The following CLHC1 variants were observed in gnomAD, a reference collection of about 807,000 sequenced individuals.
CLHC1 encodes clathrin heavy chain linker domain-containing protein 1.
CLHC1 carries 72 observed loss-of-function variants against 69.5 expected under a neutral mutation model. The observed-to-expected ratio is 1.04, with a 90% CI of 0.86 to 1.26. The LOEUF is 1.26. Among genes scored for constraint, CLHC1 ranks in the 50% most tolerant of loss-of-function variants. The pLI, the probability that CLHC1 is intolerant of heterozygous loss-of-function variation, is 0.00. For missense variants in CLHC1, 790 were observed against 679.3 expected (o/e 1.16, Z -1.81); for synonymous variants, 223 against 224.3 (o/e 0.99, Z 0.05).
rs973290703 is a variant in CLHC1 at position 55,174,677 on chromosome 2, A to G, written c.*1113T>C. ...TCCCCGTTCATCTTCTTTCCACTAT[A>G]ACATAAAAATACATATTCAATTTAA... On this transcript the variant is annotated 3_prime_UTR_variant, in exon 13 of 13. Transcript: ENST00000401408. The G allele has an allele frequency of 2.0e-5, 3 of 152,218 alleles. No homozygotes were observed. Among genetic ancestry groups the G allele is most frequent in the Non-Finnish European group, 4.4e-5 (3 of 68,042 alleles). 9.4% of individuals were successfully genotyped at this position (152,218 alleles called of 1,614,324 possible). A position where few individuals can be genotyped will look rare whatever the true frequency, so the allele number is the denominator to read the frequency against.
At chr2:55,207,571 T>C (rs943848754) in intron 8 of CLHC1, among the ~76,000 whole-genome samples, 1 of 152,198 alleles carries the variant, frequency 6.6e-6, no homozygotes, top group Non-Finnish European at 1.5e-5. Context: ...GAAAACTGTT[T>C]AACATATAAA....
chr2:55,181,488 T>A, intron 10 of CLHC1, 82 bp downstream of exon 10: 1 of 1,081,320 alleles, frequency 9.2e-7, no homozygotes, highest in Non-Finnish European at 1.4e-6. Flanking sequence ...AGTAACATAT[T>A]GATAAAGCTA....
chr2:55,186,834 T>G lies in CLHC1; in HGVS notation c.1007-5090A>C, dbSNP rs528944336. 5.3e-5 allele frequency among the ~76,000 whole-genome samples: 8 copies of G among 152,204 alleles called. No individual in the cohort carries two copies. The South Asian group carries it at 1.7e-3, about 32-fold the overall frequency. ...TTAAAGGTAGAAATGGAAGCCATAATAAAGATGAACAGATTTTTAAAACAA... is the reference window on the plus strand; with the variant it reads ...TTAAAGGTAGAAATGGAAGCCATAAGAAAGATGAACAGATTTTTAAAACAA... On this transcript the variant is annotated intron_variant, in intron 9 of 12. Coordinates refer to ENST00000401408, the MANE Select transcript of CLHC1 (RefSeq NM_152385.4).
At chr2:55,178,600 C>A (rs1200897346) in intron 11 of CLHC1, among the ~76,000 whole-genome samples, 1 of 152,086 alleles carries the variant, frequency 6.6e-6, no homozygotes, top group Non-Finnish European at 1.5e-5. Flanking sequence ...CGCAGTCTCC[C>A]GCCTCAGCCT....
rs569625464 is a variant in CLHC1 at position 55,191,541 on chromosome 2, T to C, written c.1007-9797A>G. On this transcript the variant is annotated intron_variant, in intron 9 of 12. Coordinates refer to ENST00000401408, the MANE Select transcript of CLHC1 (RefSeq NM_152385.4). The stretch of plus-strand genomic sequence containing the variant: ...GAGCCACTGCGCCCAGCCAGAAAAA[T>C]AGATGTACACAAAGAAATGAAGAAT... Among the ~76,000 whole-genome samples, 9 of 152,038 alleles carry C rather than the reference T, an allele frequency of 5.9e-5. No homozygotes were observed. In the East Asian group the frequency reaches 1.7e-3, roughly 29 times the overall value.
intron 8 of CLHC1, 64 bp from the exon 9 acceptor site, chr2:55,206,440 G>T: frequency 1.1e-6 from 1 of 908,918 alleles, no homozygotes; most frequent in Non-Finnish European, 1.8e-6. Context: ...AAACTGATTA[G>T]AAATGTTTAA....
rs567457362 is a variant in CLHC1 at position 55,178,403 on chromosome 2, A to G, written c.1385-622T>C. ...CCTATATTTGGCCACAAAAAGAACAATTCCATATGGGTTAATCTCTATTGG... is the reference window on the plus strand; with the variant it reads ...CCTATATTTGGCCACAAAAAGAACAGTTCCATATGGGTTAATCTCTATTGG... On this transcript the variant is annotated intron_variant, in intron 11 of 12. Transcript: ENST00000401408. Among the ~76,000 whole-genome samples the G allele has an allele frequency of 2.2e-4, 33 of 152,368 alleles. No individual in the cohort carries two copies. In the South Asian group the frequency reaches 6.8e-3, roughly 32 times the overall value.
chr2:55,227,786 C>G (rs1296993973), intron 2 of CLHC1, among the ~76,000 whole-genome samples: 1 of 151,942 alleles, frequency 6.6e-6, no homozygotes, highest in Non-Finnish European at 1.5e-5. Context: ...ACCGTATTAC[C>G]CTTAGGATAA....
At chr2:55,227,606 A>G (rs1173337121) in intron 2 of CLHC1, among the ~76,000 whole-genome samples, 1 of 148,018 alleles carries the variant, frequency 6.8e-6, no homozygotes, top group East Asian at 2.1e-4. Context: ...TGAACCCAGG[A>G]GGTGGAGGTT....
Position 55,180,110 on chromosome 2 carries a change from C to T in CLHC1, c.1384+400G>A, listed in dbSNP as rs559130806. Among the ~76,000 whole-genome samples, 285 of 151,624 alleles carry T rather than the reference C, an allele frequency of 1.9e-3. 1 individual carries two copies. The highest frequency in any genetic ancestry group is 2.4e-3 in the Non-Finnish European group (161 of 67,920). ...CAGAGCTTGCAGTGAGCCAAGATCG[C>T]AGCACTGCACTCCAGCCTGGCAACA... On this transcript the variant is annotated intron_variant, in intron 11 of 12. Coordinates refer to ENST00000401408, the MANE Select transcript of CLHC1 (RefSeq NM_152385.4).
chr2:55,214,002 C>T (rs1673249112), intron 4 of CLHC1, among the ~76,000 whole-genome samples: 1 of 151,992 alleles, frequency 6.6e-6, no homozygotes, highest in South Asian at 2.1e-4. Context: ...CTAGGCATCA[C>T]CTGGAGGATG....
intron 8 of CLHC1, among the ~76,000 whole-genome samples, chr2:55,207,826 T>C (rs977617963): frequency 4.6e-5 from 7 of 152,164 alleles, no homozygotes; most frequent in African/African-American, 1.7e-4. Flanking sequence ...TACGGCAAAA[T>C]GTTAATTTCT....
chr2:55,177,043 G>A (rs1009401018), intron 12 of CLHC1, among the ~76,000 whole-genome samples: 1 of 152,070 alleles, frequency 6.6e-6, no homozygotes, highest in African/African-American at 2.4e-5. Context: ...GCTAATTTTG[G>A]TATCTTTTTC....
At chr2:55,212,585 C>T (rs1220887495) in intron 5 of CLHC1, 88 bp downstream of exon 5, 3 of 1,019,704 alleles carry the variant, frequency 2.9e-6, no homozygotes, top group East Asian at 4.8e-5. Context: ...GATGCACATA[C>T]ATCAGCACAT....
intron 1 of CLHC1, among the ~76,000 whole-genome samples, chr2:55,229,569 G>A (rs993906614): frequency 1.3e-5 from 2 of 152,204 alleles, no homozygotes; most frequent in African/African-American, 4.8e-5. Context: ...ACTACTATCA[G>A]CCTAGGGGGT....
At chr2:55,197,259 G>C (rs757549182) in intron 9 of CLHC1, among the ~76,000 whole-genome samples, 142 of 152,228 alleles carry the variant, frequency 9.3e-4, no homozygotes, top group South Asian at 2.5e-3. Flanking sequence ...AGCCACCCAG[G>C]CCTAGGGAAC....
At chr2:55,204,146 T>G (rs918782948) in intron 9 of CLHC1, among the ~76,000 whole-genome samples, 1 of 152,098 alleles carries the variant, frequency 6.6e-6, no homozygotes, top group East Asian at 1.9e-4. Flanking sequence ...TAGCTGGGCA[T>G]GGTGGTGCAT....
At chr2:55,213,397 G>A (rs997998040) in intron 4 of CLHC1, among the ~76,000 whole-genome samples, 9 of 152,112 alleles carry the variant, frequency 5.9e-5, no homozygotes, top group Non-Finnish European at 1.0e-4. Flanking sequence ...CTCTTATTAG[G>A]ACATTTATGA....
chr2:55,202,725 C>T (rs1481804369), intron 9 of CLHC1, among the ~76,000 whole-genome samples: 8 of 151,630 alleles, frequency 5.3e-5, no homozygotes, highest in South Asian at 2.1e-4. Context: ...GGCAAAACTC[C>T]GTCTCTACTG....
Sources: gnomAD v4.1 joint callset for allele counts (sites outside exome capture counted in the v4.1 genomes callset) on GRCh38, gnomAD v4.1.1 for gene constraint, MANE v1.5 for transcripts, NCBI Gene and HGNC (gene_info 2026-07-23, HGNC 2026-07-21) for gene names.